CREB3L2: variants seen among roughly 807,000 people sequenced by gnomAD.
CREB3L2 encodes cAMP responsive element binding protein 3 like 2, also known as cyclic AMP-responsive element-binding protein 3-like protein 2.
CREB3L2 carries 23 observed loss-of-function variants against 57.2 expected under a neutral mutation model. That is an observed-to-expected ratio of 0.40 (90% confidence interval 0.29 to 0.57). The LOEUF (loss-of-function observed/expected upper bound fraction) is 0.57. Among genes scored for constraint, CREB3L2 ranks in the 20% least tolerant of loss-of-function variants. The pLI is 0.42. For missense variants in CREB3L2, 628 were observed against 634.7 expected, an observed-to-expected ratio of 0.99 and a Z score of 0.11; for synonymous variants, 268 against 265.1, an observed-to-expected ratio of 1.01 and a Z score of -0.11.
chr7:137,985,286 CAG>C (rs745401294), intron 1 of CREB3L2, among the ~76,000 whole-genome samples: 7 of 152,224 alleles, frequency 4.6e-5, no homozygotes, highest in Non-Finnish European at 8.8e-5. Flanking sequence ...AAGCAGGACT[CAG>C]AGAGGTTCTC....
At chr7:137,899,379 CTTT>C (rs572747129) in intron 8 of CREB3L2, among the ~76,000 whole-genome samples, 79 of 152,360 alleles carry the variant, frequency 5.2e-4, no homozygotes, top group African/African-American at 1.8e-3. Context: ...TGCTCTTCCC[CTTT>C]TCGCCAATTC....
At chr7:137,976,708 G>T (rs1311319786) in intron 1 of CREB3L2, among the ~76,000 whole-genome samples, 2 of 152,142 alleles carry the variant, frequency 1.3e-5, no homozygotes, top group Non-Finnish European at 2.9e-5. Context: ...AAAATCTTAT[G>T]CCCCACCTCC....
chr7:138,000,550 A>G (rs1216344792), intron 1 of CREB3L2, among the ~76,000 whole-genome samples: 1 of 152,160 alleles, frequency 6.6e-6, no homozygotes, highest in Admixed American at 6.5e-5. Context: ...CGTCAGCCAG[A>G]GTCAAAGGCC....
intron 2 of CREB3L2, among the ~76,000 whole-genome samples, 183 bp from the exon 3 acceptor site, chr7:137,916,195 T>C (rs1196521205): frequency 6.6e-6 from 1 of 152,182 alleles, no homozygotes; most frequent in Non-Finnish European, 1.5e-5. Context: ...AAAGAATCTA[T>C]ACTTGTATTC....
chr7:137,907,310 G>C (rs1799912982), intron 5 of CREB3L2, among the ~76,000 whole-genome samples: 1 of 152,190 alleles, frequency 6.6e-6, no homozygotes, highest in African/African-American at 2.4e-5. Flanking sequence ...ATGGGGAAGA[G>C]TTCCTCCATA....
intron 1 of CREB3L2, among the ~76,000 whole-genome samples, chr7:137,949,402 T>G (rs1428277751): frequency 6.6e-6 from 1 of 152,244 alleles, no homozygotes; most frequent in African/African-American, 2.4e-5. Flanking sequence ...CTCATTTTAA[T>G]TGCAAAATTA....
intron 1 of CREB3L2, among the ~76,000 whole-genome samples, chr7:137,968,973 G>T (rs142709745): frequency 6.6e-6 from 1 of 152,118 alleles, no homozygotes; most frequent in African/African-American, 2.4e-5. Context: ...TAGGGTCAAG[G>T]AAAAAAGTGG....
intron 1 of CREB3L2, among the ~76,000 whole-genome samples, chr7:137,932,292 A>C (rs1418346376): frequency 6.6e-6 from 1 of 152,214 alleles, no homozygotes; most frequent in Non-Finnish European, 1.5e-5. Flanking sequence ...ATTGTAAAAA[A>C]AATTCCTTAA....
In CREB3L2 at chr7:137,877,248, C is replaced by T. The variant is rs1563233589; in HGVS notation, c.*3228G>A. ...TTAAACTAAAAGCTGCTTTCACAATCTACAAATTAGGCCTCCAAATCAAAA... is the reference window on the plus strand; with the variant it reads ...TTAAACTAAAAGCTGCTTTCACAATTTACAAATTAGGCCTCCAAATCAAAA... On this transcript the variant is annotated 3_prime_UTR_variant, in exon 12 of 12. Transcript: ENST00000330387. The T allele has an allele frequency of 4.4e-6, 1 of 226,226 alleles. No homozygotes were observed. Among genetic ancestry groups the T allele is most frequent in the Non-Finnish European group, 8.8e-6 (1 of 113,680 alleles). 14.0% of individuals were successfully genotyped at this position (226,226 alleles called of 1,614,324 possible).
At chr7:137,971,444 C>T (rs959557892) in intron 1 of CREB3L2, among the ~76,000 whole-genome samples, 26 of 131,850 alleles carry the variant, frequency 2.0e-4, no homozygotes, top group Middle Eastern at 3.5e-3. Flanking sequence ...AGCGAGACTC[C>T]GTCTCAAAAA....
chr7:137,929,022 T>C (rs1479849201), intron 1 of CREB3L2, among the ~76,000 whole-genome samples: 1 of 152,194 alleles, frequency 6.6e-6, no homozygotes, highest in East Asian at 1.9e-4. Context: ...AGCACAAAGG[T>C]GCAGTTTACA....
At chr7:137,894,892 C>T (rs189137758) in intron 8 of CREB3L2, among the ~76,000 whole-genome samples, 33 of 152,284 alleles carry the variant, frequency 2.2e-4, no homozygotes, top group Admixed American at 1.9e-3. Flanking sequence ...AGTTAAGTGA[C>T]CAAGTTCTCG....
chr7:137,959,051 C>G (rs1339576156), intron 1 of CREB3L2, among the ~76,000 whole-genome samples: 1 of 152,206 alleles, frequency 6.6e-6, no homozygotes, highest in Middle Eastern at 3.2e-3. Flanking sequence ...GAGAAGGAAC[C>G]TATTGACTCC....
intron 5 of CREB3L2, among the ~76,000 whole-genome samples, chr7:137,907,610 T>C (rs1238084884): frequency 6.6e-6 from 1 of 152,236 alleles, no homozygotes; most frequent in Non-Finnish European, 1.5e-5. Flanking sequence ...TGTGAGATTG[T>C]GAATTCAAAA....
chr7:137,957,374 A>C (rs962095646), intron 1 of CREB3L2, among the ~76,000 whole-genome samples: 5 of 152,184 alleles, frequency 3.3e-5, no homozygotes, highest in Non-Finnish European at 5.9e-5. Flanking sequence ...TGACTACAGG[A>C]ATCTACAATG....
intron 1 of CREB3L2, among the ~76,000 whole-genome samples, chr7:137,973,838 G>A (rs577313546): frequency 2.4e-4 from 37 of 152,106 alleles, no homozygotes; most frequent in Non-Finnish European, 4.6e-4. Context: ...AACTATGCAC[G>A]TTTTCACAAG....
intron 1 of CREB3L2, among the ~76,000 whole-genome samples, chr7:137,963,738 C>T (rs1484033105): frequency 2.6e-5 from 4 of 152,098 alleles, no homozygotes; most frequent in Non-Finnish European, 5.9e-5. Flanking sequence ...CCTAAATTGC[C>T]GAAGCAGGGA....
chr7:137,899,233 G>T (rs1218375439), intron 8 of CREB3L2, among the ~76,000 whole-genome samples: 3 of 152,100 alleles, frequency 2.0e-5, no homozygotes, highest in Non-Finnish European at 4.4e-5. Context: ...AGTGGGGTCG[G>T]TCCTTCTCCC....
chr7:137,922,156 C>G (rs897361845), intron 2 of CREB3L2, among the ~76,000 whole-genome samples: 28 of 151,552 alleles, frequency 1.8e-4, no homozygotes, highest in African/African-American at 6.5e-4. Flanking sequence ...TGCTCCTTTT[C>G]TCTCTTGCAA....
Sources: gnomAD v4.1 joint callset for allele counts (sites outside exome capture counted in the v4.1 genomes callset) on GRCh38, gnomAD v4.1.1 for gene constraint, MANE v1.5 for transcripts, NCBI Gene and HGNC (gene_info 2026-07-23, HGNC 2026-07-21) for gene names.